CTNNA3: variants seen among roughly 807,000 people sequenced by gnomAD.
The protein encoded by CTNNA3 is catenin alpha-3.
A neutral mutation model predicts 95.7 loss-of-function variants in CTNNA3; 76 were observed. The ratio of observed to expected loss-of-function variants is 0.79; its 90% CI spans 0.66 to 0.96. CTNNA3 has a LOEUF of 0.96. Ranked by LOEUF, CTNNA3 falls within the 40% of genes least tolerant of loss-of-function variation. CTNNA3 has a pLI of 0.00. For missense variants in CTNNA3, 1,191 were observed against 1,089.8 expected, an observed-to-expected ratio of 1.09 and a Z score of -1.31; for synonymous variants, 431 against 374.4, an observed-to-expected ratio of 1.15 and a Z score of -1.74.
chr10:67,183,885 A>T lies in CTNNA3; in HGVS notation c.844-3365T>A, dbSNP rs1290841588. Among the ~76,000 whole-genome samples the T allele has an allele frequency of 2.6e-5, 4 of 152,136 alleles. No homozygotes were observed. The East Asian group carries it at 7.7e-4, about 29-fold the overall frequency. On this transcript the variant is annotated intron_variant, in intron 6 of 17. Transcript: ENST00000433211. ...AAGAACTGAAGGTTCTGGGAATTCA[A>T]CTATGTCAATGCAGTCTTTTTTACA...
chr10:66,144,402 T>C (rs1009946426), intron 13 of CTNNA3, among the ~76,000 whole-genome samples: 1 of 152,132 alleles, frequency 6.6e-6, no homozygotes, highest in African/African-American at 2.4e-5. Flanking sequence ...ATTCTGAAAA[T>C]GTTAGGAATT....
At chr10:65,926,662 G>C (rs147591730) in intron 17 of CTNNA3, among the ~76,000 whole-genome samples, 3 of 151,898 alleles carry the variant, frequency 2.0e-5, no homozygotes, top group African/African-American at 4.8e-5. Context: ...TTTTAGTAGA[G>C]ACAGGGTTTC....
At chr10:66,536,579 A>T (rs984571251) in intron 10 of CTNNA3, among the ~76,000 whole-genome samples, 3 of 152,128 alleles carry the variant, frequency 2.0e-5, no homozygotes, top group African/African-American at 7.2e-5. Context: ...AATCTCAACA[A>T]GAAGATCATG....
At chr10:66,660,626 T>C (rs952817900) in intron 9 of CTNNA3, among the ~76,000 whole-genome samples, 8 of 152,216 alleles carry the variant, frequency 5.3e-5, no homozygotes, top group African/African-American at 1.7e-4. Context: ...ATAGAAGGTA[T>C]GCTTTTTGCC....
chr10:66,909,572 T>TG (rs1846136830), intron 7 of CTNNA3, among the ~76,000 whole-genome samples: 1 of 152,048 alleles, frequency 6.6e-6, no homozygotes, highest in Admixed American at 6.5e-5. Flanking sequence ...TGAAATTTCC[T>TG]TCAGAACAGG....
chr10:66,896,133 C>T (rs905913939), intron 7 of CTNNA3, among the ~76,000 whole-genome samples: 10 of 151,726 alleles, frequency 6.6e-5, no homozygotes, highest in Non-Finnish European at 1.5e-4. Flanking sequence ...AAAATAGTTG[C>T]CATAAACAAT....
chr10:66,961,196 CT>C (rs1401881356), intron 7 of CTNNA3, among the ~76,000 whole-genome samples: 2 of 152,120 alleles, frequency 1.3e-5, no homozygotes, highest in Non-Finnish European at 2.9e-5. Flanking sequence ...TACCTGTAGT[CT>C]ATTATGACAA....
chr10:66,292,678 A>G (rs375692675), intron 12 of CTNNA3, among the ~76,000 whole-genome samples: 5 of 152,304 alleles, frequency 3.3e-5, no homozygotes, highest in South Asian at 4.1e-4. Context: ...GCTAATATCA[A>G]TTCACTGAGT....
At chr10:67,489,035 T>A (rs1352129014) in intron 5 of CTNNA3, among the ~76,000 whole-genome samples, 2 of 152,196 alleles carry the variant, frequency 1.3e-5, no homozygotes. Flanking sequence ...CACGCCCAGA[T>A]GGATCAGCTG....
intron 7 of CTNNA3, among the ~76,000 whole-genome samples, chr10:67,011,882 T>C (rs1238412719): frequency 6.6e-6 from 1 of 152,108 alleles, no homozygotes; most frequent in Non-Finnish European, 1.5e-5. Flanking sequence ...TCCCAGATCA[T>C]CAGGCCCCAG....
chr10:66,428,953 A>G (rs2093269904), intron 11 of CTNNA3, among the ~76,000 whole-genome samples: 2 of 152,114 alleles, frequency 1.3e-5, no homozygotes, highest in Non-Finnish European at 2.9e-5. Context: ...CAAAAAATCA[A>G]TGAATTCAGG....
At chr10:66,346,978 GA>G (rs11357372) in intron 12 of CTNNA3, among the ~76,000 whole-genome samples, 3,299 of 146,212 alleles carry the variant, frequency 0.023, 121 homozygotes, top group African/African-American at 0.078. Context: ...ATCTTCGGTA[GA>G]AAAAAAAAAT....
Position 66,245,834 on chromosome 10 carries a change from C to T in CTNNA3, c.1884+34636G>A, listed in dbSNP as rs528319974. ...TCCTCTCAGGTTCTGGTCATACTGA[C>T]ATCTCCCACTCTCAGCAGAGAAGGT... On this transcript the variant is annotated intron_variant, in intron 13 of 17. Transcript: ENST00000433211. 3.9e-5 allele frequency among the ~76,000 whole-genome samples: 6 copies of T among 152,358 alleles called. No individual in the cohort carries two copies. In the East Asian group the frequency reaches 1.2e-3, roughly 29 times the overall value.
chr10:66,688,530 C>A (rs1333094506), intron 9 of CTNNA3, among the ~76,000 whole-genome samples: 2 of 152,284 alleles, frequency 1.3e-5, no homozygotes, highest in Admixed American at 1.3e-4. Context: ...CTCAGAGTGA[C>A]ATCTTCTCTG....
chr10:66,648,056 G>C (rs1845767351), intron 9 of CTNNA3, among the ~76,000 whole-genome samples: 1 of 152,206 alleles, frequency 6.6e-6, no homozygotes, highest in Non-Finnish European at 1.5e-5. Flanking sequence ...TATTATCTTT[G>C]ATATGATTCC....
chr10:67,660,058 G>A (rs537471068), intron 1 of CTNNA3, among the ~76,000 whole-genome samples: 2 of 152,258 alleles, frequency 1.3e-5, no homozygotes, highest in East Asian at 3.9e-4. Context: ...AAAACAAATA[G>A]TATGTAACTG....
At chr10:67,214,479 A>T (rs1864266840) in intron 6 of CTNNA3, among the ~76,000 whole-genome samples, 1 of 151,888 alleles carries the variant, frequency 6.6e-6, no homozygotes, top group African/African-American at 2.4e-5. Context: ...AATTTTAATT[A>T]TACAAAGTAT....
intron 10 of CTNNA3, among the ~76,000 whole-genome samples, chr10:66,528,305 G>A (rs1841340424): frequency 6.6e-6 from 1 of 152,094 alleles, no homozygotes; most frequent in South Asian, 2.1e-4. Flanking sequence ...ACCTCAACAT[G>A]CTTCAGGCTA....
At chr10:67,100,073 T>C (rs954664697) in intron 7 of CTNNA3, among the ~76,000 whole-genome samples, 4 of 151,786 alleles carry the variant, frequency 2.6e-5, no homozygotes, top group African/African-American at 9.7e-5. Context: ...TATTTGTTAA[T>C]AAATAGGTTT....
Sources: gnomAD v4.1 joint callset for allele counts (sites outside exome capture counted in the v4.1 genomes callset) on GRCh38, gnomAD v4.1.1 for gene constraint, MANE v1.5 for transcripts, NCBI Gene and HGNC (gene_info 2026-07-23, HGNC 2026-07-21) for gene names.